Variants in TRDN observed in about 807,000 individuals in gnomAD.
TRDN encodes the protein triadin, also known as triadin in skeletal muscle.
TRDN carries 161 observed loss-of-function variants against 149.7 expected under a neutral mutation model. That is an observed-to-expected ratio of 1.08 (90% confidence interval 0.95 to 1.23). TRDN has a LOEUF of 1.23. TRDN is among the 50% of genes most tolerant of loss of function. The pLI is 0.00. For synonymous variants in TRDN, 294 were observed against 250.5 expected (o/e 1.17, Z -1.64); for missense variants, 896 against 823.5 (o/e 1.09, Z -1.08).
At chr6:123,235,981 A>C (rs1775773200) in intron 38 of TRDN, among the ~76,000 whole-genome samples, 1 of 152,200 alleles carries the variant, frequency 6.6e-6, no homozygotes, top group African/African-American at 2.4e-5. Flanking sequence ...TTGTGAATAT[A>C]GCTGCAATAA....
At chr6:123,250,629 G>A (rs1776340416) in intron 38 of TRDN, among the ~76,000 whole-genome samples, 1 of 151,846 alleles carries the variant, frequency 6.6e-6, no homozygotes, top group Non-Finnish European at 1.5e-5. Context: ...TGATGTCTCT[G>A]ATCATTTATT....
In TRDN at chr6:123,388,526, C is replaced by G. The variant is rs1370845470; in HGVS notation, c.1131G>C (p.Lys377Asn). The change falls in exon 14 of 41, where the codon AAG (lysine) becomes AAC (asparagine). Residue 377 changes from lysine (K) to asparagine (N), a missense_variant. By Grantham distance (94) the Lys-to-Asn change is moderately conservative. Coordinates refer to ENST00000334268, the MANE Select transcript of TRDN (RefSeq NM_006073.4). ...GGGATTTTGCATAAAACATACCTTC[C>G]TTCTTTTCATCCTTCTTAGCTGCTG... ...AQAAAKKDEK[K>N]EDSKKTKKPA... 3.2e-6 allele frequency: 5 copies of G among 1,587,270 alleles called. No individual in the cohort carries two copies. Among genetic ancestry groups the G allele is most frequent in the African/African-American group, 1.3e-5 (1 of 74,768 alleles).
At chr6:123,601,380 C>T (rs1380699623) in intron 1 of TRDN, among the ~76,000 whole-genome samples, 1 of 152,106 alleles carries the variant, frequency 6.6e-6, no homozygotes, top group Non-Finnish European at 1.5e-5. Context: ...ACCTTTTGTT[C>T]ACCCCTGTGG....
intron 10 of TRDN, among the ~76,000 whole-genome samples, chr6:123,447,385 A>G (rs1322162888): frequency 6.6e-6 from 1 of 152,200 alleles, no homozygotes; most frequent in African/African-American, 2.4e-5. Flanking sequence ...CATAATTACA[A>G]TAAGGACTTT....
intron 21 of TRDN, among the ~76,000 whole-genome samples, chr6:123,342,396 G>A (rs1020814804): frequency 6.6e-6 from 1 of 151,784 alleles, no homozygotes; most frequent in African/African-American, 2.4e-5. Flanking sequence ...TTTTTCTAGT[G>A]TAGTCCCATC....
intron 12 of TRDN, among the ~76,000 whole-genome samples, chr6:123,402,989 T>C (rs565769785): frequency 2.6e-5 from 4 of 152,148 alleles, no homozygotes; most frequent in Non-Finnish European, 5.9e-5. Flanking sequence ...AAATATTGAG[T>C]AGACATTTGA....
At chr6:123,421,369 G>T (rs1188950126) in intron 12 of TRDN, among the ~76,000 whole-genome samples, 4 of 152,138 alleles carry the variant, frequency 2.6e-5, no homozygotes, top group Admixed American at 1.3e-4. Context: ...GCAAAGATAT[G>T]ATTTTGTCAA....
chr6:123,476,087 G>C (rs1389966474), intron 9 of TRDN, among the ~76,000 whole-genome samples: 1 of 136,150 alleles, frequency 7.3e-6, no homozygotes, highest in South Asian at 2.9e-4. Context: ...GGAAATAAAT[G>C]GTATTCAATT....
chr6:123,353,830 G>C (rs1023598329), intron 20 of TRDN, among the ~76,000 whole-genome samples: 2 of 151,708 alleles, frequency 1.3e-5, no homozygotes, highest in African/African-American at 4.8e-5. Flanking sequence ...CAAACCATGT[G>C]ACTGTGAAGC....
At chr6:123,310,452 A>C (rs1422943831) in intron 24 of TRDN, among the ~76,000 whole-genome samples, 1 of 152,026 alleles carries the variant, frequency 6.6e-6, no homozygotes, top group Non-Finnish European at 1.5e-5. Context: ...CCTTGTACTT[A>C]TTGCAAAATA....
chr6:123,394,316 A>C (rs1008345108), intron 12 of TRDN, among the ~76,000 whole-genome samples: 4 of 152,130 alleles, frequency 2.6e-5, no homozygotes, highest in Non-Finnish European at 5.9e-5. Flanking sequence ...TTAAAAAAAA[A>C]CTTATATGAT....
chr6:123,574,247 C>T (rs141724264), intron 1 of TRDN, among the ~76,000 whole-genome samples: 5 of 151,514 alleles, frequency 3.3e-5, no homozygotes, highest in East Asian at 1.9e-4. Flanking sequence ...AATCTCTTTT[C>T]GGAAAAAAAA....
chr6:123,295,083 A>G (rs1177514854), intron 24 of TRDN, among the ~76,000 whole-genome samples: 1 of 152,126 alleles, frequency 6.6e-6, no homozygotes, highest in Non-Finnish European at 1.5e-5. Flanking sequence ...GACCAGATTG[A>G]GGACTAGCTA....
At chr6:123,367,886 T>C (rs1781176655) in intron 19 of TRDN, among the ~76,000 whole-genome samples, 1 of 152,152 alleles carries the variant, frequency 6.6e-6, no homozygotes, top group Admixed American at 6.5e-5. Context: ...CCCTCCCTAC[T>C]TACCTCAGTT....
At chr6:123,452,563 C>A (rs1415179222) in intron 10 of TRDN, among the ~76,000 whole-genome samples, 3 of 151,732 alleles carry the variant, frequency 2.0e-5, no homozygotes, top group Non-Finnish European at 4.4e-5. Flanking sequence ...AAGACCTCTA[C>A]AAGGAAAACT....
chr6:123,266,996 A>G (rs1777031319), intron 32 of TRDN, among the ~76,000 whole-genome samples: 1 of 145,120 alleles, frequency 6.9e-6, no homozygotes, highest in African/African-American at 2.5e-5. Flanking sequence ...AGTCCCAGCT[A>G]CTCGGGAGGC....
intron 21 of TRDN, chr6:123,351,078 T>G: frequency 1.0e-6 from 1 of 985,052 alleles, no homozygotes; most frequent in Non-Finnish European, 1.2e-6. Context: ...TTTGATATAC[T>G]GTGGCTATGA....
At chr6:123,457,517 G>A (rs746452930) in intron 10 of TRDN, 1 of 426,756 alleles carries the variant, frequency 2.3e-6, no homozygotes, top group South Asian at 1.8e-5. Flanking sequence ...TATATTTATA[G>A]CTCATAATTC....
intron 22 of TRDN, among the ~76,000 whole-genome samples, chr6:123,336,904 A>C (rs1323441500): frequency 6.6e-6 from 1 of 151,840 alleles, no homozygotes; most frequent in Non-Finnish European, 1.5e-5. Flanking sequence ...AAATATTACA[A>C]GTGTGTTAAT....
Sources: allele counts gnomAD v4.1 joint callset (sites outside exome capture counted in the v4.1 genomes callset), GRCh38; gene constraint gnomAD v4.1.1; transcripts MANE v1.5; gene names NCBI Gene and HGNC (gene_info 2026-07-23, HGNC 2026-07-21).